CFAP92: variants seen among roughly 807,000 people sequenced by gnomAD.
CFAP92 encodes the protein uncharacterized protein CFAP92.
Under a neutral mutation model 106.3 loss-of-function variants are expected in CFAP92, and 86 were observed. That is an observed-to-expected ratio of 0.81 (90% confidence interval 0.68 to 0.97). The LOEUF (loss-of-function observed/expected upper bound fraction) is 0.97, where lower values mean the gene tolerates loss of function less well. Ranked by LOEUF, CFAP92 falls within the 50% of genes least tolerant of loss-of-function variation. CFAP92 has a pLI of 0.00. For missense variants in CFAP92, 1,204 were observed against 1,283.8 expected, an observed-to-expected ratio of 0.94 and a Z score of 0.95; for synonymous variants, 477 against 506.4, an observed-to-expected ratio of 0.94 and a Z score of 0.78.
intron 15 of CFAP92, among the ~76,000 whole-genome samples, chr3:128,913,741 G>A (rs753879919): frequency 3.2e-4 from 48 of 152,142 alleles, no homozygotes; most frequent in Non-Finnish European, 6.6e-4. Flanking sequence ...TTTTAAAATG[G>A]GGAAAGTTTG....
At chr3:128,996,639 C>G (rs1944489671), upstream of CFAP92, among the ~76,000 whole-genome samples, 1 of 152,202 alleles carries the variant, frequency 6.6e-6, no homozygotes, top group Non-Finnish European at 1.5e-5. Context: ...GAGTAAAAAC[C>G]ATCCCCAAAC....
chr3:128,914,727 G>A (rs1003244437), intron 15 of CFAP92: 4 of 175,644 alleles, frequency 2.3e-5, no homozygotes, highest in Admixed American at 2.2e-4. Flanking sequence ...TATCTTTGCC[G>A]CTGGAAGGTC....
At chr3:128,946,177 G>A (rs149579263) in intron 9 of CFAP92, among the ~76,000 whole-genome samples, 4 of 152,210 alleles carry the variant, frequency 2.6e-5, no homozygotes, top group East Asian at 3.9e-4. Context: ...AACGCACCAG[G>A]ATGGCGACTG....
At chr3:128,922,956 G>T (rs756915607) in intron 12 of CFAP92, among the ~76,000 whole-genome samples, 6 of 152,202 alleles carry the variant, frequency 3.9e-5, no homozygotes, top group Non-Finnish European at 8.8e-5. Flanking sequence ...TGTGCCTTCT[G>T]TTAGAAGGGG....
At chr3:128,941,376 TTA>T (rs59342811) in intron 10 of CFAP92, among the ~76,000 whole-genome samples, 12,962 of 152,166 alleles carry the variant, frequency 0.085, 1,501 homozygotes, top group African/African-American at 0.27. Context: ...ACAACTATAG[TTA>T]TGTCTCAATA....
chr3:129,000,065 C>T (rs1321635384), intron 1 of CFAP92, among the ~76,000 whole-genome samples: 1 of 152,100 alleles, frequency 6.6e-6, no homozygotes, highest in Non-Finnish European at 1.5e-5. Flanking sequence ...TTGCTGTGTC[C>T]GCTCATCCTC....
chr3:128,915,687 G>A, intron 13 of CFAP92, 124 bp from the exon 14 acceptor site: 2 of 674,216 alleles, frequency 3.0e-6, no homozygotes, highest in South Asian at 4.0e-5. Context: ...ATAGTGCATT[G>A]AGAGGAAATG....
rs149595527 is a variant in CFAP92 at position 128,912,542 on chromosome 3, G to A, written c.3281-2209C>T. Reference sequence around the variant, plus strand: ...AAACCTAGATGAGCAGATTAAGAAAGTGTCCCAGCAGATCCTTGAGAAGCG... The same window carrying A: ...AAACCTAGATGAGCAGATTAAGAAAATGTCCCAGCAGATCCTTGAGAAGCG... On this transcript the variant is annotated intron_variant, in intron 15 of 15. Coordinates refer to ENST00000645291, the MANE Select transcript of CFAP92 (RefSeq NM_001394090.1). 58 of 1,614,148 alleles carry A rather than the reference G, an allele frequency of 3.6e-5. No homozygotes were observed. The African/African-American group carries it at 6.7e-4, about 19-fold the overall frequency.
In CFAP92 at chr3:128,976,965, C is replaced by T. The variant is rs754968677; in HGVS notation, c.896+14G>A. On this transcript the variant is annotated intron_variant, in intron 6 of 15. Transcript: ENST00000645291. ...GCTCCACTCCCACCACCCAAAATAT[C>T]GTTCAATCCTTACTGAATCGTGGAA... The T allele has an allele frequency of 6.2e-6, 10 of 1,607,820 alleles. No individual in the cohort carries two copies. The African/African-American group carries it at 8.0e-5, about 13-fold the overall frequency.
chr3:128,988,877 T>A lies in CFAP92; in HGVS notation c.304A>T (p.Lys102Ter), dbSNP rs1363610472. The change falls in exon 3 of 16, where the codon AAA (lysine) becomes TAA (stop). Residue 102 changes from lysine (K) to a stop codon, truncating the protein, a stop_gained. Transcript: ENST00000645291. LOFTEE classifies it high-confidence loss of function. ...ACAGAACTGTCTGTTTTAGGGTGTT[T>A]CTTATATTTTTCAATCAAACTTGCA... ...KYASLIEKYK[K>*]HPKTDSSVTK... 1 of 1,613,732 alleles carries A rather than the reference T, an allele frequency of 6.2e-7. No homozygotes were observed. Among genetic ancestry groups the A allele is most frequent in the South Asian group, 1.1e-5 (1 of 91,036 alleles).
chr3:129,002,076 T>A, intron 1 of CFAP92: 1 of 1,532,850 alleles, frequency 6.5e-7, no homozygotes, highest in Non-Finnish European at 8.8e-7. Context: ...CGCGCGCCTC[T>A]GTGGCTACTT....
At chr3:129,004,858 G>T (rs910567558), upstream of CFAP92, among the ~76,000 whole-genome samples, 3 of 152,150 alleles carry the variant, frequency 2.0e-5, no homozygotes, top group African/African-American at 7.2e-5. Flanking sequence ...TGGGACCCAG[G>T]TTCAAATCTT....
intron 1 of CFAP92, chr3:129,002,155 TG>T: frequency 6.8e-7 from 1 of 1,471,150 alleles, no homozygotes; most frequent in Non-Finnish European, 8.9e-7. Flanking sequence ...CAGATCCGCC[TG>T]CGCCGTCCGC....
intron 8 of CFAP92, chr3:128,966,496 C>T (rs1030539402): frequency 2.6e-5 from 4 of 151,682 alleles, no homozygotes; most frequent in African/African-American, 7.3e-5. Context: ...TAGTGCGCCT[C>T]GCAAAAAGGG....
rs376568628 is a variant in CFAP92 at position 128,976,869 on chromosome 3, G to A, written c.896+110C>T. On this transcript the variant is annotated intron_variant, in intron 6 of 15. Coordinates refer to ENST00000645291, the MANE Select transcript of CFAP92 (RefSeq NM_001394090.1). ...CTGTTAGCTTAAGTTAGCCTGGATTGCATGAGATCCAGTTTAACTGGATTT... is the reference window on the plus strand; with the variant it reads ...CTGTTAGCTTAAGTTAGCCTGGATTACATGAGATCCAGTTTAACTGGATTT... 438 of 815,576 alleles carry A rather than the reference G, an allele frequency of 5.4e-4. 1 individual carries two copies. The African/African-American group carries it at 6.4e-3, about 12-fold the overall frequency. The allele number at this position is 815,576 out of a possible 1,614,324, so 50.5% of individuals were successfully genotyped here.
chr3:128,945,604 AAGG>A lies in CFAP92; in HGVS notation c.1722_1724del (p.Leu575del). On this transcript the variant is annotated inframe_deletion, in exon 10 of 16. Transcript: ENST00000645291. ...CGGCCAGATTCAAGTACTTGTGGCC[AAGG>A]AGGAGGTCAGCAAAACTGACCTGGG... 1 of 1,536,106 alleles carries A rather than the reference AAGG, an allele frequency of 6.5e-7. No individual in the cohort carries two copies. Among genetic ancestry groups the A allele is most frequent in the Non-Finnish European group, 8.7e-7 (1 of 1,146,900 alleles).
chr3:128,957,287 T>C (rs936689677), intron 9 of CFAP92, among the ~76,000 whole-genome samples: 3 of 152,178 alleles, frequency 2.0e-5, no homozygotes, highest in African/African-American at 7.2e-5. Flanking sequence ...GTTTGACAGT[T>C]GAAGCAAAAA....
rs1425597193 is a variant in CFAP92, at chr3:128,915,450, G to A, written c.3030C>T (p.Leu1010=). 2 of 1,536,066 alleles carry A rather than the reference G, an allele frequency of 1.3e-6. No homozygotes were observed. Among genetic ancestry groups the A allele is most frequent in the Non-Finnish European group, 1.7e-6 (2 of 1,146,870 alleles). The part of the protein sequence containing the change: ...KAQKKSRQAW[L]TARGFQVTGL... ...CTGTCACTTGGAATCCCCTGGCTGT[G>A]AGCCAGGCCTGGCGGGATTTCTTCT... is the stretch of plus-strand genomic sequence containing the variant. Residue 1010 remains leucine (L), a synonymous_variant, in exon 14 of 16, where the codon CTC becomes CTT. Coordinates refer to ENST00000645291, the MANE Select transcript of CFAP92 (RefSeq NM_001394090.1).
At chr3:128,912,395 GGCT>G in intron 15 of CFAP92, 6 of 884,928 alleles carry the variant, frequency 6.8e-6, no homozygotes, top group Non-Finnish European at 1.1e-5. Context: ...TCACCCTTAG[GGCT>G]GCTTCATGGT....
Sources: allele counts gnomAD v4.1 joint callset (sites outside exome capture counted in the v4.1 genomes callset), GRCh38; gene constraint gnomAD v4.1.1; transcripts MANE v1.5; gene names NCBI Gene and HGNC (gene_info 2026-07-23, HGNC 2026-07-21).